SHISA9: variants seen among roughly 807,000 people sequenced by gnomAD.
SHISA9 encodes shisa family member 9.
In SHISA9, 13 loss-of-function variants were observed where a neutral mutation model predicts 38.0. That is an observed-to-expected ratio of 0.34 (90% CI 0.22 to 0.54). The LOEUF (loss-of-function observed/expected upper bound fraction) is 0.54, where lower values mean the gene tolerates loss of function less well. SHISA9 is among the 20% of genes least tolerant of loss of function. The pLI is 0.91. For synonymous variants in SHISA9, 275 were observed against 242.0 expected, an observed-to-expected ratio of 1.14 and a Z score of -1.27; for missense variants, 538 against 575.8, an observed-to-expected ratio of 0.93 and a Z score of 0.67.
At chr16:12,938,202 A>G (rs2071559058) in intron 2 of SHISA9, among the ~76,000 whole-genome samples, 1 of 152,152 alleles carries the variant, frequency 6.6e-6, no homozygotes, top group Admixed American at 6.5e-5. Flanking sequence ...TGCTTGTTCC[A>G]ATCTGTATAT....
At chr16:12,943,927 T>C (rs116478800) in intron 2 of SHISA9, among the ~76,000 whole-genome samples, 1 of 152,368 alleles carries the variant, frequency 6.6e-6, no homozygotes, top group African/African-American at 2.4e-5. Flanking sequence ...TACATTATTT[T>C]ACATTTTTAA....
At chr16:13,390,878 G>C in the SHISA9 span, among the ~76,000 whole-genome samples, 1 of 152,168 alleles carries the variant, frequency 6.6e-6, no homozygotes, top group Non-Finnish European at 1.5e-5. Flanking sequence ...TTCACAAGAG[G>C]CAGTCTGAGA....
chr16:13,071,357 G>T (rs1486582487), intron 2 of SHISA9, among the ~76,000 whole-genome samples: 4 of 152,082 alleles, frequency 2.6e-5, no homozygotes, highest in Non-Finnish European at 4.4e-5. Context: ...TCTGATGAGG[G>T]CTTAAACATG....
chr16:12,902,283 C>T lies in SHISA9; in HGVS notation c.219C>T (p.Phe73=), dbSNP rs2071028534. Residue 73 remains phenylalanine (F), a synonymous_variant, in exon 1 of 5, where the codon TTC becomes TTT. Transcript: ENST00000558583. The stretch of plus-strand genomic sequence containing the variant: ...CGACCCGGGCGCCCACGCCGGACTT[C>T]TGCCGGGGCTACTTCGATGTCATGG... ...APPTRAPTPD[F]CRGYFDVMGQ... 3.2e-6 allele frequency: 5 copies of T among 1,549,750 alleles called. No homozygotes were observed. The highest frequency in any genetic ancestry group is 1.4e-5 in the African/African-American group (1 of 73,060).
At chr16:13,194,133 A>G (rs1033320409) in intron 2 of SHISA9, among the ~76,000 whole-genome samples, 1 of 151,932 alleles carries the variant, frequency 6.6e-6, no homozygotes, top group Non-Finnish European at 1.5e-5. Context: ...ATCCCATCCC[A>G]TTCCTCTCTG....
At chr16:13,267,090 A>G in the SHISA9 span, among the ~76,000 whole-genome samples, 1 of 152,210 alleles carries the variant, frequency 6.6e-6, no homozygotes, top group African/African-American at 2.4e-5. Context: ...AGTTGATTGT[A>G]TTTTTAAAAA....
intron 2 of SHISA9, among the ~76,000 whole-genome samples, chr16:13,173,580 A>G (rs2050707157): frequency 6.6e-6 from 1 of 152,094 alleles, no homozygotes; most frequent in African/African-American, 2.4e-5. Flanking sequence ...CTATTTGGGG[A>G]TATTTAACAA....
chr16:13,368,751 A>AAAAC, the SHISA9 span, among the ~76,000 whole-genome samples: 1 of 149,896 alleles, frequency 6.7e-6, no homozygotes, highest in Non-Finnish European at 1.5e-5. Context: ...AAAAAAAAAA[A>AAAAC]CCCACTGGGA....
the SHISA9 span, among the ~76,000 whole-genome samples, chr16:13,500,604 T>G: frequency 3.8e-4 from 25 of 65,770 alleles, no homozygotes; most frequent in South Asian, 1.6e-3. Flanking sequence ...CAGAGTGGAG[T>G]GTGGGGGGAG....
At chr16:13,309,642 CAAAAAAAAA>C in the SHISA9 span, among the ~76,000 whole-genome samples, 1 of 65,880 alleles carries the variant, frequency 1.5e-5, no homozygotes, top group African/African-American at 6.4e-5. Context: ...GACTCAGTCT[CAAAAAAAAA>C]AAAAAAAAAA....
the SHISA9 span, among the ~76,000 whole-genome samples, chr16:13,447,729 A>G: frequency 6.6e-6 from 1 of 152,172 alleles, no homozygotes; most frequent in Non-Finnish European, 1.5e-5. Flanking sequence ...GAGACCATCA[A>G]CTCGCCAGCT....
the SHISA9 span, among the ~76,000 whole-genome samples, chr16:13,533,188 C>T: frequency 6.6e-6 from 1 of 152,184 alleles, no homozygotes. Flanking sequence ...TCTGCTCTTA[C>T]TTTCTTCCCC....
the SHISA9 span, among the ~76,000 whole-genome samples, chr16:13,266,327 C>T: frequency 6.6e-6 from 1 of 152,070 alleles, no homozygotes. Context: ...TTATTGATTT[C>T]CCTCTTTGGA....
At chr16:13,292,808 A>C in the SHISA9 span, among the ~76,000 whole-genome samples, 1 of 152,314 alleles carries the variant, frequency 6.6e-6, no homozygotes, top group Non-Finnish European at 1.5e-5. Context: ...TTTGAAAAAA[A>C]ATTTGTCAAG....
intron 2 of SHISA9, among the ~76,000 whole-genome samples, chr16:12,972,448 G>A (rs1349763711): frequency 6.6e-6 from 1 of 152,070 alleles, no homozygotes; most frequent in Non-Finnish European, 1.5e-5. Flanking sequence ...GGATGAGAGT[G>A]ATATATAATG....
At chr16:13,342,255 A>G in the SHISA9 span, among the ~76,000 whole-genome samples, 2 of 152,126 alleles carry the variant, frequency 1.3e-5, no homozygotes, top group Non-Finnish European at 2.9e-5. Flanking sequence ...CTTAGAAGTC[A>G]CTGTTACTGA....
intron 2 of SHISA9, among the ~76,000 whole-genome samples, chr16:12,986,232 A>G (rs925443828): frequency 3.3e-5 from 5 of 152,202 alleles, no homozygotes; most frequent in Non-Finnish European, 1.5e-5. Flanking sequence ...GTATTAAAAT[A>G]TTGAAATACT....
chr16:13,527,574 G>A, the SHISA9 span, among the ~76,000 whole-genome samples: 1 of 152,194 alleles, frequency 6.6e-6, no homozygotes, highest in Non-Finnish European at 1.5e-5. Context: ...TCTTGTATGT[G>A]TAGGTAGTAA....
At chr16:12,984,230 C>G (rs2072278090) in intron 2 of SHISA9, among the ~76,000 whole-genome samples, 1 of 152,134 alleles carries the variant, frequency 6.6e-6, no homozygotes, top group Non-Finnish European at 1.5e-5. Context: ...AGGAAATGAG[C>G]AGAGGAGGTG....
Sources: allele counts gnomAD v4.1 joint callset (sites outside exome capture counted in the v4.1 genomes callset), GRCh38; gene constraint gnomAD v4.1.1; transcripts MANE v1.5; gene names NCBI Gene and HGNC (gene_info 2026-07-23, HGNC 2026-07-21).